Variants in GRIA3 observed in about 807,000 individuals in gnomAD.
The protein encoded by GRIA3 is glutamate ionotropic receptor AMPA type subunit 3.
In GRIA3, 3 loss-of-function variants were observed where a neutral mutation model predicts 63.0. The observed-to-expected ratio is 0.05, with a 90% CI of 0.02 to 0.12. The LOEUF (loss-of-function observed/expected upper bound fraction) is 0.12. Ranked by LOEUF, GRIA3 falls within the 10% of genes least tolerant of loss-of-function variation. The pLI is 1.00. For synonymous variants in GRIA3, 274 were observed against 257.9 expected, an observed-to-expected ratio of 1.06 and a Z score of -0.60; for missense variants, 347 against 700.9, an observed-to-expected ratio of 0.50 and a Z score of 5.70.
rs200974643 is a variant in GRIA3 at position 123,202,626 on chromosome X, A to G, written c.268+16636A>G. 5.7e-4 allele frequency: 663 copies of G among 1,161,803 alleles called. 5 individuals carry two copies. The highest frequency in any genetic ancestry group is 1.1e-4 in the Non-Finnish European group (93 of 871,046). ...AGAAGCAGCTTCCCCTCACCTTGTC[A>G]CCCCCACAGGTCCTGCTGAAAGGGA... On this transcript the variant is annotated intron_variant, in intron 2 of 15. Transcript: ENST00000620443.
chrX:123,371,109 C>A lies in GRIA3; in HGVS notation c.750+16146C>A, dbSNP rs1020477445. On this transcript the variant is annotated intron_variant, in intron 5 of 15. Coordinates refer to ENST00000620443, the MANE Select transcript of GRIA3 (RefSeq NM_007325.5). ...AGTTCATTGCTTTGATTTTTAGAGC[C>A]CACAAATAAGTTAAAGCATGTGATA... Among the ~76,000 whole-genome samples the A allele has an allele frequency of 6.6e-5, 7 of 105,721 alleles. No homozygotes were observed. The Admixed American group carries it at 7.2e-4, about 11-fold the overall frequency. 91.8% of individuals were successfully genotyped at this position (105,721 alleles called of 115,157 possible). A position where few individuals can be genotyped will look rare whatever the true frequency, so the allele number is the denominator to read the frequency against.
chrX:123,260,499 AGAAAGAAAGAAAGAAAGAAAGAAAGAAAG>A (rs2044451470), intron 3 of GRIA3, among the ~76,000 whole-genome samples: 23 of 8,080 alleles, frequency 2.8e-3, no homozygotes, highest in East Asian at 0.026. Context: ...AAAGAAAGAA[AGAAAGAAAGAAAGAAAGAAAGAAAGAAAG>A]GAAAGAAAGA....
chrX:123,419,813 G>C (rs766118971), intron 11 of GRIA3, among the ~76,000 whole-genome samples: 35 of 111,546 alleles, frequency 3.1e-4, no homozygotes, highest in Non-Finnish European at 5.8e-4. Context: ...AGGCCTGCCA[G>C]GATTAACTGC....
rs915328408 is a variant in GRIA3 at position 123,283,949 on chromosome X, C to A, written c.508+30407C>A. Among the ~76,000 whole-genome samples the A allele has an allele frequency of 3.6e-5, 4 of 112,653 alleles. No homozygotes were observed. The Admixed American group carries it at 3.7e-4, about 11-fold the overall frequency. ...GGTCCCTGACCCCCATGCCTCCTGA[C>A]TAGGAGACACCTCCCAACAGGGGGC... On this transcript the variant is annotated intron_variant, in intron 3 of 15. Coordinates refer to ENST00000620443, the MANE Select transcript of GRIA3 (RefSeq NM_007325.5).
chrX:123,361,753 G>A (rs1199188134), intron 5 of GRIA3, among the ~76,000 whole-genome samples: 2 of 110,967 alleles, frequency 1.8e-5, no homozygotes, highest in Non-Finnish European at 3.8e-5. Context: ...CCTACCCAAT[G>A]TTATAGCAAG....
chrX:123,278,633 T>C (rs1022188212), intron 3 of GRIA3, among the ~76,000 whole-genome samples: 2 of 112,407 alleles, frequency 1.8e-5, no homozygotes, highest in African/African-American at 6.5e-5. Context: ...ATTTCTTTCT[T>C]ATGCCTGTGG....
At chrX:123,309,112 C>T (rs183068498) in intron 3 of GRIA3, among the ~76,000 whole-genome samples, 361 of 111,818 alleles carry the variant, frequency 3.2e-3, no homozygotes, top group African/African-American at 0.011. Flanking sequence ...AGGCCAGGCG[C>T]AGTGGCTCAT....
chrX:123,442,005 T>C (rs2045676778), intron 12 of GRIA3, among the ~76,000 whole-genome samples: 1 of 112,612 alleles, frequency 8.9e-6, no homozygotes, highest in South Asian at 3.6e-4. Context: ...GGGAACACCA[T>C]GGTCAATAAC....
intron 4 of GRIA3, among the ~76,000 whole-genome samples, chrX:123,326,848 C>T (rs1451763248): frequency 9.0e-6 from 1 of 110,810 alleles, no homozygotes; most frequent in Non-Finnish European, 1.9e-5. Context: ...CATTTAAGAC[C>T]CATTACATGC....
intron 2 of GRIA3, among the ~76,000 whole-genome samples, chrX:123,253,026 C>T (rs1411339623): frequency 9.0e-6 from 1 of 111,563 alleles, no homozygotes; most frequent in African/African-American, 3.3e-5. Context: ...GGAGATGAGC[C>T]GGGAGGGTTT....
chrX:123,290,352 G>A (rs775546527), intron 3 of GRIA3, among the ~76,000 whole-genome samples: 2 of 111,541 alleles, frequency 1.8e-5, no homozygotes, highest in East Asian at 5.6e-4. Flanking sequence ...TGTCTTCTGG[G>A]CTAGTCACTA....
chrX:123,413,570 A>C (rs1048812146), intron 10 of GRIA3, among the ~76,000 whole-genome samples: 1 of 76,448 alleles, frequency 1.3e-5, no homozygotes, highest in African/African-American at 4.8e-5. Flanking sequence ...AAAAAAAAAA[A>C]CACTCTGCTA....
Position 123,326,133 on chromosome X carries a change from A to G in GRIA3, c.616A>G (p.Ile206Val), listed in dbSNP as rs753347543. 5.0e-6 allele frequency: 6 copies of G among 1,208,539 alleles called. No individual in the cohort carries two copies. The highest frequency in any genetic ancestry group is 6.7e-6 in the Non-Finnish European group (6 of 892,414). The change falls in exon 4 of 16, where the codon ATT (isoleucine) becomes GTT (valine). Residue 206 changes from isoleucine (I) to valine (V), a missense_variant. Coordinates refer to ENST00000620443, the MANE Select transcript of GRIA3 (RefSeq NM_007325.5). ...IKDVQEFRRI[I>V]EEMDRRQEKR... The stretch of plus-strand genomic sequence containing the variant: ...GGACGTCCAAGAATTCAGGCGCATC[A>G]TTGAAGAAATGGACAGGAGGCAGGA...
At chrX:123,338,644 G>A (rs1293439343) in intron 4 of GRIA3, among the ~76,000 whole-genome samples, 3 of 111,823 alleles carry the variant, frequency 2.7e-5, no homozygotes, top group South Asian at 3.7e-4. Context: ...TTCGCCTCCC[G>A]GGTTCAAGCA....
intron 1 of GRIA3, 64 bp from the exon 2 acceptor site, chrX:123,185,768 C>T: frequency 1.0e-6 from 1 of 974,686 alleles, no homozygotes; most frequent in Non-Finnish European, 1.5e-6. Flanking sequence ...ATATTGTTCC[C>T]CAATTCCTAA....
chrX:123,316,040 C>T (rs1233731519), intron 3 of GRIA3, among the ~76,000 whole-genome samples: 1 of 106,947 alleles, frequency 9.4e-6, no homozygotes, highest in Non-Finnish European at 1.9e-5. Context: ...AAATTTTATT[C>T]GTCATTCACG....
At chrX:123,351,047 A>G (rs1366785142) in intron 4 of GRIA3, among the ~76,000 whole-genome samples, 1 of 112,327 alleles carries the variant, frequency 8.9e-6, no homozygotes, top group African/African-American at 3.2e-5. Context: ...TTCATGGTCG[A>G]CTGTAAAAAC....
chrX:123,451,809 T>C (rs182537416), intron 12 of GRIA3, among the ~76,000 whole-genome samples: 7 of 110,576 alleles, frequency 6.3e-5, no homozygotes, highest in Non-Finnish European at 9.5e-5. Context: ...GAGATCCATT[T>C]TGGCCATGCT....
intron 11 of GRIA3, among the ~76,000 whole-genome samples, chrX:123,423,427 C>T (rs774953692): frequency 7.1e-5 from 8 of 111,993 alleles, no homozygotes; most frequent in Non-Finnish European, 1.1e-4. Flanking sequence ...TGATGTATGA[C>T]CACTGTCTTT....
Sources: gnomAD v4.1 joint callset for allele counts (sites outside exome capture counted in the v4.1 genomes callset) on GRCh38, gnomAD v4.1.1 for gene constraint, MANE v1.5 for transcripts, NCBI Gene and HGNC (gene_info 2026-07-23, HGNC 2026-07-21) for gene names.